Variants in REDIC1 observed in about 807,000 individuals in gnomAD.
The protein encoded by REDIC1 is regulator of DNA class I crossover intermediates 1.
At chr12:39,763,232 C>G in the REDIC1 span, among the ~76,000 whole-genome samples, 2 of 151,960 alleles carry the variant, frequency 1.3e-5, no homozygotes, top group Non-Finnish European at 2.9e-5. Flanking sequence ...CAGTGCATTT[C>G]CTTTCCAAGA....
the REDIC1 span, among the ~76,000 whole-genome samples, chr12:39,776,565 C>A: frequency 2.0e-5 from 3 of 152,148 alleles, no homozygotes; most frequent in African/African-American, 7.2e-5. Flanking sequence ...GACAGAGAAG[C>A]CTGTAGGCAG....
the REDIC1 span, among the ~76,000 whole-genome samples, chr12:39,888,939 A>G: frequency 1.6e-4 from 25 of 152,288 alleles, 1 homozygote; most frequent in South Asian, 5.0e-3. Flanking sequence ...ATAATAGTAA[A>G]CCATTTTTCT....
the REDIC1 span, among the ~76,000 whole-genome samples, chr12:39,804,959 T>C: frequency 7.9e-6 from 1 of 125,880 alleles, no homozygotes; most frequent in Non-Finnish European, 1.7e-5. Context: ...CTGAAGACTT[T>C]GGCACTTGCT....
At chr12:39,648,589 C>G in the REDIC1 span, among the ~76,000 whole-genome samples, 43 of 151,258 alleles carry the variant, frequency 2.8e-4, no homozygotes, top group African/African-American at 1.0e-3. Context: ...AGGAAATCTA[C>G]TAAAAATGAA....
At chr12:39,776,380 T>C in the REDIC1 span, among the ~76,000 whole-genome samples, 1 of 152,220 alleles carries the variant, frequency 6.6e-6, no homozygotes, top group African/African-American at 2.4e-5. Context: ...CCTGCCTGCC[T>C]GGCCATAACT....
chr12:39,790,458 G>C, the REDIC1 span, among the ~76,000 whole-genome samples: 2 of 148,924 alleles, frequency 1.3e-5, 1 homozygote, highest in Admixed American at 1.3e-4. Flanking sequence ...CTATGAGTGA[G>C]AATATGCGGT....
the REDIC1 span, among the ~76,000 whole-genome samples, chr12:39,840,382 A>T: frequency 5.7e-4 from 87 of 151,878 alleles, no homozygotes; most frequent in African/African-American, 1.9e-3. Context: ...ACCTGATCAG[A>T]TTTCTCTGCT....
At chr12:39,747,624 G>A in the REDIC1 span, among the ~76,000 whole-genome samples, 1 of 152,112 alleles carries the variant, frequency 6.6e-6, no homozygotes, top group African/African-American at 2.4e-5. Flanking sequence ...ACACATAATT[G>A]TCAGATTCAC....
the REDIC1 span, among the ~76,000 whole-genome samples, chr12:39,899,938 T>G: frequency 1.3e-5 from 2 of 152,112 alleles, no homozygotes; most frequent in Non-Finnish European, 2.9e-5. Context: ...GGGGTGGTGC[T>G]GAAAAAAATA....
the REDIC1 span, among the ~76,000 whole-genome samples, chr12:39,884,718 G>A: frequency 6.6e-6 from 1 of 152,136 alleles, no homozygotes; most frequent in Non-Finnish European, 1.5e-5. Context: ...AAGGTAAAGA[G>A]CTGCTGGAAC....
the REDIC1 span, among the ~76,000 whole-genome samples, chr12:39,729,418 C>T: frequency 1.3e-5 from 2 of 151,924 alleles, no homozygotes; most frequent in Non-Finnish European, 2.9e-5. Context: ...TGTTATTTAC[C>T]CAGTAGGCAT....
chr12:39,713,147 A>G, the REDIC1 span, among the ~76,000 whole-genome samples: 2 of 149,924 alleles, frequency 1.3e-5, no homozygotes, highest in Non-Finnish European at 3.0e-5. Context: ...ATATGTAGAT[A>G]TGTGCATATA....
the REDIC1 span, among the ~76,000 whole-genome samples, chr12:39,878,605 G>T: frequency 6.6e-6 from 1 of 152,218 alleles, no homozygotes; most frequent in Admixed American, 6.5e-5. Flanking sequence ...CATTCAAGAA[G>T]TCGCCTGTCT....
At chr12:39,692,922 C>G in the REDIC1 span, among the ~76,000 whole-genome samples, 2 of 152,020 alleles carry the variant, frequency 1.3e-5, no homozygotes, top group African/African-American at 4.8e-5. Context: ...GGATAACAGT[C>G]TTGGTTGTTA....
At chr12:39,812,388 T>TTTCTTTTCTTTTCTTTTCTTTCTC in the REDIC1 span, among the ~76,000 whole-genome samples, 1 of 124,822 alleles carries the variant, frequency 8.0e-6, no homozygotes, top group African/African-American at 2.7e-5. Flanking sequence ...TTTTCTTTCT[T>TTTCTTTTCTTTTCTTTTCTTTCTC]TCTCTCTCTC....
the REDIC1 span, among the ~76,000 whole-genome samples, chr12:39,694,852 T>A: frequency 6.6e-6 from 1 of 151,950 alleles, no homozygotes; most frequent in Non-Finnish European, 1.5e-5. Context: ...TCCCTCTGCT[T>A]GAGGAGAGGA....
At chr12:39,742,048 T>C in the REDIC1 span, among the ~76,000 whole-genome samples, 2 of 152,192 alleles carry the variant, frequency 1.3e-5, no homozygotes, top group Non-Finnish European at 2.9e-5. Flanking sequence ...TGTGACTAAA[T>C]TCCAAAATGG....
chr12:39,631,606 CAA>C, the REDIC1 span, among the ~76,000 whole-genome samples: 7 of 151,994 alleles, frequency 4.6e-5, no homozygotes, highest in African/African-American at 1.2e-4. Context: ...AATGGAATGA[CAA>C]AGAGTACTTG....
chr12:39,695,327 G>A, the REDIC1 span, among the ~76,000 whole-genome samples: 2 of 152,148 alleles, frequency 1.3e-5, no homozygotes, highest in African/African-American at 4.8e-5. Flanking sequence ...CTTGGCTCTT[G>A]GATGGCATTT....
Sources: allele counts gnomAD v4.1 joint callset (sites outside exome capture counted in the v4.1 genomes callset), GRCh38; gene constraint gnomAD v4.1.1; transcripts MANE v1.5; gene names NCBI Gene and HGNC (gene_info 2026-07-23, HGNC 2026-07-21).